The following OSTF1 variants were observed in gnomAD, a reference collection of about 807,000 sequenced individuals.
The protein encoded by OSTF1 is osteoclast stimulating factor 1.
In OSTF1, 27 loss-of-function variants were observed where a neutral mutation model predicts 37.2. That is an observed-to-expected ratio of 0.73 (90% confidence interval 0.54 to 1.00). OSTF1 has a LOEUF of 1.00. Among genes scored for constraint, OSTF1 ranks in the 50% least tolerant of loss-of-function variants. The probability of loss-of-function intolerance (pLI) is 0.00; values close to 1 mark genes in which losing one functional copy is unlikely to be tolerated. For synonymous variants in OSTF1, 82 were observed against 89.2 expected (o/e 0.92, Z 0.46); for missense variants, 232 against 253.8 (o/e 0.91, Z 0.58).
chr9:75,112,449 C>A (rs913380946), intron 1 of OSTF1, among the ~76,000 whole-genome samples: 4 of 152,044 alleles, frequency 2.6e-5, no homozygotes, highest in Admixed American at 2.6e-4. Flanking sequence ...AATCCCAGAA[C>A]TTTTATAATG....
At chr9:75,135,425 T>A (rs2118603039) in intron 7 of OSTF1, among the ~76,000 whole-genome samples, 1 of 150,962 alleles carries the variant, frequency 6.6e-6, no homozygotes, top group African/African-American at 2.4e-5. Flanking sequence ...TCCCAATGAT[T>A]ATGATGAACT....
In OSTF1 at chr9:75,124,445, T is replaced by C. The variant is rs1187348729; in HGVS notation, c.82-3124T>C. Among the ~76,000 whole-genome samples, 3 of 152,194 alleles carry C rather than the reference T, an allele frequency of 2.0e-5. No homozygotes were observed. The East Asian group carries it at 5.8e-4, about 29-fold the overall frequency. On this transcript the variant is annotated intron_variant, in intron 2 of 9. Transcript: ENST00000346234. ...TTTGCCCATTACCCTTCCCAGCCTC[T>C]GGTAGCCATACGTCTGCTCTCTGTC...
At chr9:75,136,858 T>C (rs1825851797) in intron 7 of OSTF1, among the ~76,000 whole-genome samples, 1 of 152,192 alleles carries the variant, frequency 6.6e-6, no homozygotes, top group Non-Finnish European at 1.5e-5. Context: ...CACATGGGGC[T>C]GCACTGCTTC....
At chr9:75,093,368 T>C (rs1825016956) in intron 1 of OSTF1, among the ~76,000 whole-genome samples, 1 of 152,192 alleles carries the variant, frequency 6.6e-6, no homozygotes, top group Non-Finnish European at 1.5e-5. Flanking sequence ...TTGTAAAATC[T>C]TTTTAAAAAT....
intron 1 of OSTF1, among the ~76,000 whole-genome samples, chr9:75,093,949 T>C (rs1825027255): frequency 6.6e-6 from 1 of 152,200 alleles, no homozygotes; most frequent in Non-Finnish European, 1.5e-5. Context: ...GTATGCTCTG[T>C]CTCCTTTAAT....
intron 1 of OSTF1, among the ~76,000 whole-genome samples, chr9:75,106,581 G>A (rs1245155178): frequency 1.4e-5 from 2 of 147,684 alleles, no homozygotes; most frequent in African/African-American, 5.0e-5. Context: ...GAAGGTGGAG[G>A]TTGCAGTGAG....
At chr9:75,115,450 C>G (rs996192941) in intron 1 of OSTF1, among the ~76,000 whole-genome samples, 1 of 152,038 alleles carries the variant, frequency 6.6e-6, no homozygotes, top group African/African-American at 2.4e-5. Flanking sequence ...CGCCATCATG[C>G]CCGGCAAATT....
At chr9:75,135,148 C>T (rs1825823083) in intron 7 of OSTF1, among the ~76,000 whole-genome samples, 1 of 152,114 alleles carries the variant, frequency 6.6e-6, no homozygotes, top group Non-Finnish European at 1.5e-5. Context: ...TTTCTTTTGT[C>T]AGAGAACATC....
At chr9:75,129,105 C>G (rs1052544224) in intron 3 of OSTF1, among the ~76,000 whole-genome samples, 1 of 152,030 alleles carries the variant, frequency 6.6e-6, no homozygotes, top group African/African-American at 2.4e-5. Context: ...GACTTGGGAA[C>G]GAACTTGAAG....
At chr9:75,136,248 T>C (rs1232292439) in intron 7 of OSTF1, among the ~76,000 whole-genome samples, 1 of 152,230 alleles carries the variant, frequency 6.6e-6, no homozygotes, top group Non-Finnish European at 1.5e-5. Flanking sequence ...CTTGCTGATA[T>C]AATATTTATA....
chr9:75,129,500 A>G (rs6560421), intron 3 of OSTF1, among the ~76,000 whole-genome samples: 51,451 of 152,032 alleles, frequency 0.34, 9,084 homozygotes, highest in East Asian at 0.52. Flanking sequence ...ACATTACAAA[A>G]AGAAGCCGAC....
At chr9:75,133,445 G>A (rs2118594155) in intron 6 of OSTF1, 44 bp downstream of exon 6, 3 of 1,174,134 alleles carry the variant, frequency 2.6e-6, no homozygotes, top group Non-Finnish European at 3.8e-6. Flanking sequence ...TGCTGAAAAT[G>A]TGTTTCACCT....
At chr9:75,118,352 G>T (rs78744726) in intron 2 of OSTF1, among the ~76,000 whole-genome samples, 11,747 of 152,182 alleles carry the variant, frequency 0.077, 959 homozygotes, top group African/African-American at 0.21. Context: ...AGACAGCATG[G>T]CTTGGAAAGT....
At position 75,117,570 on chromosome 9, in the gene OSTF1, C is replaced by T. The variant is rs1825512464; in HGVS notation, c.81+20C>T. 1.3e-6 allele frequency: 2 copies of T among 1,563,550 alleles called. No homozygotes were observed. The highest frequency in any genetic ancestry group is 2.7e-5 in the African/African-American group (2 of 73,978). ...AGAACTGTAAGTGTTCAGTTTTTAA[C>T]TTCTAAAATTGACAGAAAAACCTAA... On this transcript the variant is annotated intron_variant, in intron 2 of 9. Transcript: ENST00000346234.
At chr9:75,114,175 A>G (rs574544240) in intron 1 of OSTF1, among the ~76,000 whole-genome samples, 4 of 146,672 alleles carry the variant, frequency 2.7e-5, no homozygotes, top group East Asian at 1.9e-4. Flanking sequence ...GTGTGTGTGT[A>G]TGTATCACAT....
At chr9:75,105,776 C>T (rs1825273477) in intron 1 of OSTF1, among the ~76,000 whole-genome samples, 1 of 152,072 alleles carries the variant, frequency 6.6e-6, no homozygotes, top group Admixed American at 6.6e-5. Context: ...GTTTTTTACC[C>T]AGTGAAGACA....
intron 1 of OSTF1, 98 bp from the exon 2 acceptor site, chr9:75,117,406 T>A (rs1359210105): frequency 1.2e-6 from 1 of 804,968 alleles, no homozygotes; most frequent in Non-Finnish European, 2.1e-6. Context: ...ATCACATGGG[T>A]TTTTAATTAG....
chr9:75,095,742 A>AT (rs1050677295), intron 1 of OSTF1, among the ~76,000 whole-genome samples: 13 of 152,208 alleles, frequency 8.5e-5, no homozygotes, highest in African/African-American at 3.1e-4. Context: ...GAAAGCAAGA[A>AT]TTTAAATGCA....
At chr9:75,131,677 C>G in intron 4 of OSTF1, 93 bp from the exon 5 acceptor site, 1 of 903,076 alleles carries the variant, frequency 1.1e-6, no homozygotes, top group East Asian at 2.4e-5. Context: ...CCTGGTACTC[C>G]TGAAGCTGGG....
Sources: gnomAD v4.1 joint callset for allele counts (sites outside exome capture counted in the v4.1 genomes callset) on GRCh38, gnomAD v4.1.1 for gene constraint, MANE v1.5 for transcripts, NCBI Gene and HGNC (gene_info 2026-07-23, HGNC 2026-07-21) for gene names.